NLGN1: variants seen among roughly 807,000 people sequenced by gnomAD.
NLGN1 encodes neuroligin 1.
Under a neutral mutation model 65.5 loss-of-function variants are expected in NLGN1, and 12 were observed. The ratio of observed to expected loss-of-function variants is 0.18; its 90% confidence interval spans 0.12 to 0.30. The LOEUF (loss-of-function observed/expected upper bound fraction) is 0.30. Among genes scored for constraint, NLGN1 ranks in the 10% least tolerant of loss-of-function variants. The pLI is 1.00. For missense variants in NLGN1, 750 were observed against 1,007.1 expected, an observed-to-expected ratio of 0.74 and a Z score of 3.46; for synonymous variants, 350 against 359.5, an observed-to-expected ratio of 0.97 and a Z score of 0.30.
At chr3:173,802,040 T>G (rs976268285) in intron 3 of NLGN1, among the ~76,000 whole-genome samples, 3 of 152,168 alleles carry the variant, frequency 2.0e-5, no homozygotes, top group African/African-American at 7.2e-5. Flanking sequence ...ACAGGACTTC[T>G]TCATGTGTAT....
intron 4 of NLGN1, among the ~76,000 whole-genome samples, chr3:174,255,910 C>T (rs1167374795): frequency 1.3e-5 from 2 of 152,094 alleles, no homozygotes; most frequent in Admixed American, 6.5e-5. Context: ...CCGCCCACCT[C>T]GCCCTCCCCA....
At chr3:173,884,154 T>A (rs1733893998) in intron 4 of NLGN1, among the ~76,000 whole-genome samples, 1 of 152,146 alleles carries the variant, frequency 6.6e-6, no homozygotes, top group African/African-American at 2.4e-5. Context: ...AATGTCTTAC[T>A]AACTTACATT....
rs556200312 is a variant in NLGN1, at chr3:173,900,257, ACTT to A, written c.646+92427_646+92429del. Among the ~76,000 whole-genome samples the A allele has an allele frequency of 1.6e-3, 244 of 152,180 alleles. 1 individual carries two copies. Among genetic ancestry groups the A allele is most frequent in the African/African-American group, 5.5e-3 (228 of 41,558 alleles). On this transcript the variant is annotated intron_variant, in intron 4 of 6. Coordinates refer to ENST00000457714, the Ensembl canonical transcript of NLGN1. ...GTTTTATAAACTCTGTTTTGTTACTACTTCATTTTTTAAATACTAACAACTTCC... is the reference window on the plus strand; with the variant it reads ...GTTTTATAAACTCTGTTTTGTTACTACATTTTTTAAATACTAACAACTTCC...
At chr3:174,292,563 A>G in the NLGN1 span, among the ~76,000 whole-genome samples, 2 of 151,572 alleles carry the variant, frequency 1.3e-5, no homozygotes, top group Non-Finnish European at 3.0e-5. Context: ...AATATAATTC[A>G]TTGTTTTGAA....
chr3:173,552,302 A>G (rs746746320), intron 2 of NLGN1, among the ~76,000 whole-genome samples: 1 of 152,196 alleles, frequency 6.6e-6, no homozygotes, highest in Non-Finnish European at 1.5e-5. Flanking sequence ...TAATTACAGG[A>G]CAAGTTTTGA....
chr3:174,060,769 G>A (rs1482241318), intron 4 of NLGN1, among the ~76,000 whole-genome samples: 3 of 152,084 alleles, frequency 2.0e-5, no homozygotes, highest in East Asian at 1.9e-4. Flanking sequence ...ATATGTAAGA[G>A]TGTTGGCTTC....
chr3:174,010,926 C>T (rs1017142395), intron 4 of NLGN1, among the ~76,000 whole-genome samples: 2 of 152,084 alleles, frequency 1.3e-5, no homozygotes, highest in African/African-American at 2.4e-5. Flanking sequence ...TTTCTTGCCC[C>T]ATTCAATTAC....
chr3:174,051,992 C>A (rs1389898128), intron 4 of NLGN1, among the ~76,000 whole-genome samples: 1 of 151,974 alleles, frequency 6.6e-6, no homozygotes, highest in African/African-American at 2.4e-5. Context: ...CCTCTCCTCT[C>A]TGTGAAAAAA....
chr3:174,067,043 A>G (rs1200468914), intron 4 of NLGN1, among the ~76,000 whole-genome samples: 1 of 152,130 alleles, frequency 6.6e-6, no homozygotes, highest in East Asian at 1.9e-4. Context: ...TGTTTAATAA[A>G]CCTCATAAAT....
chr3:173,584,351 C>T (rs952229051), intron 2 of NLGN1, among the ~76,000 whole-genome samples: 2 of 146,738 alleles, frequency 1.4e-5, no homozygotes, highest in African/African-American at 5.0e-5. Context: ...TCATCCTGCA[C>T]CGATTTGGAG....
intron 3 of NLGN1, among the ~76,000 whole-genome samples, chr3:173,632,445 G>A (rs1195135290): frequency 6.6e-6 from 1 of 152,138 alleles, no homozygotes; most frequent in Non-Finnish European, 1.5e-5. Context: ...TGTGGAAGAT[G>A]CCTGTAGTCA....
At chr3:173,659,827 G>A (rs1448243335) in intron 3 of NLGN1, among the ~76,000 whole-genome samples, 1 of 151,732 alleles carries the variant, frequency 6.6e-6, no homozygotes, top group Non-Finnish European at 1.5e-5. Flanking sequence ...TCATTTGCAT[G>A]CTTGTGTTTG....
chr3:173,715,242 A>G (rs1159367129), intron 3 of NLGN1, among the ~76,000 whole-genome samples: 3 of 152,146 alleles, frequency 2.0e-5, no homozygotes, highest in Non-Finnish European at 4.4e-5. Context: ...AGATCTGAAC[A>G]CTGTGCCTTG....
At chr3:174,258,586 G>A (rs1222680326) in intron 4 of NLGN1, among the ~76,000 whole-genome samples, 1 of 152,138 alleles carries the variant, frequency 6.6e-6, no homozygotes, top group Non-Finnish European at 1.5e-5. Context: ...GCAACATCAT[G>A]TGCCTCCTGT....
chr3:173,756,326 AATAC>A (rs1330680404), intron 3 of NLGN1, among the ~76,000 whole-genome samples: 5 of 151,996 alleles, frequency 3.3e-5, no homozygotes, highest in African/African-American at 7.2e-5. Flanking sequence ...TTTCTCTTCA[AATAC>A]ATATGTATCT....
At chr3:173,604,918 T>C (rs996071901) in exon 3 of NLGN1, 3 of 1,613,610 alleles carry the variant, frequency 1.9e-6, no homozygotes, top group Non-Finnish European at 2.5e-6. Context: ...TGGTCAGATA[T>C]CAGAAATGCC....
intron 4 of NLGN1, among the ~76,000 whole-genome samples, chr3:173,953,542 CTTACTTATTTAT>C (rs372348548): frequency 1.1e-3 from 173 of 152,014 alleles, no homozygotes; most frequent in African/African-American, 3.8e-3. Flanking sequence ...TATATACTTA[CTTACTTATTTAT>C]TTACTTATTT....
intron 5 of NLGN1, among the ~76,000 whole-genome samples, chr3:174,278,392 A>T (rs575059496): frequency 3.9e-4 from 59 of 152,094 alleles, no homozygotes; most frequent in African/African-American, 1.3e-3. Flanking sequence ...TTCAAATAAC[A>T]TCTGTTTAAA....
At chr3:173,486,562 T>C (rs150343604) in intron 2 of NLGN1, among the ~76,000 whole-genome samples, 29 of 152,296 alleles carry the variant, frequency 1.9e-4, no homozygotes, top group Non-Finnish European at 3.5e-4. Flanking sequence ...CCACAAAGCA[T>C]AGGGCTTTGT....
Sources: gnomAD v4.1 joint callset for allele counts (sites outside exome capture counted in the v4.1 genomes callset) on GRCh38, gnomAD v4.1.1 for gene constraint, MANE v1.5 for transcripts, NCBI Gene and HGNC (gene_info 2026-07-23, HGNC 2026-07-21) for gene names.